PMFBP1: variants seen among roughly 807,000 people sequenced by gnomAD.
The protein encoded by PMFBP1 is polyamine-modulated factor 1-binding protein 1.
In PMFBP1, 131 loss-of-function variants were observed where a neutral mutation model predicts 137.8. The observed-to-expected ratio is 0.95, with a 90% CI of 0.82 to 1.10. The LOEUF (loss-of-function observed/expected upper bound fraction) is 1.10. Ranked by LOEUF, PMFBP1 falls within the 50% of genes least tolerant of loss-of-function variation. The probability of loss-of-function intolerance (pLI) is 0.00; values close to 1 mark genes in which losing one functional copy is unlikely to be tolerated. For synonymous variants in PMFBP1, 490 were observed against 450.4 expected (o/e 1.09, Z -1.11); for missense variants, 1,199 against 1,175.4 (o/e 1.02, Z -0.29).
At chr16:72,185,094 G>A in the PMFBP1 span, among the ~76,000 whole-genome samples, 2 of 151,810 alleles carry the variant, frequency 1.3e-5, no homozygotes, top group Non-Finnish European at 2.9e-5. Flanking sequence ...TGCAATCTTG[G>A]CTCACTGCAA....
upstream of PMFBP1, among the ~76,000 whole-genome samples, chr16:72,179,298 G>A (rs2043268894): frequency 6.6e-6 from 1 of 152,192 alleles, no homozygotes; most frequent in Admixed American, 6.5e-5. Context: ...GGTGCTATGG[G>A]AAACACAAGA....
the PMFBP1 span, among the ~76,000 whole-genome samples, chr16:72,245,757 C>G: frequency 8.5e-5 from 13 of 152,334 alleles, no homozygotes; most frequent in South Asian, 2.5e-3. Flanking sequence ...ACTGCCACTG[C>G]TCTTTAACTC....
chr16:72,125,536 G>T, intron 15 of PMFBP1, 131 bp from the exon 16 acceptor site: 1 of 1,037,592 alleles, frequency 9.6e-7, no homozygotes, highest in African/African-American at 1.6e-5. Flanking sequence ...ACCTTGCCTA[G>T]TCTCCCAGAG....
chr16:72,134,955 C>A (rs2042601695), intron 9 of PMFBP1, among the ~76,000 whole-genome samples: 1 of 152,200 alleles, frequency 6.6e-6, no homozygotes, highest in African/African-American at 2.4e-5. Flanking sequence ...AGGCATGTTG[C>A]AGGTTTTGTG....
At chr16:72,223,627 A>G in the PMFBP1 span, among the ~76,000 whole-genome samples, 61 of 152,362 alleles carry the variant, frequency 4.0e-4, no homozygotes, top group African/African-American at 1.4e-3. Context: ...CCTAGGTAGC[A>G]GGTCACCTGC....
rs142162202 is a variant in PMFBP1 at position 72,154,440 on chromosome 16, G to A, written c.185C>T (p.Ala62Val). The A allele has an allele frequency of 3.1e-6, 5 of 1,614,008 alleles. No individual in the cohort carries two copies. Among genetic ancestry groups the A allele is most frequent in the Non-Finnish European group, 4.2e-6 (5 of 1,179,898 alleles). Reference protein sequence around the residue: ...NSSHDKKQAQALAFEESEVEF... With the variant: ...NSSHDKKQAQVLAFEESEVEF... ...CACCTCTGACTCCTCGAATGCTAAT[G>A]CCTGTGCTTGCTTCTTGTCCTACCA... The change falls in exon 4 of 21, where the codon GCA becomes GTA. Residue 62 changes from alanine to valine, a missense_variant. Ala to Val is a moderately conservative substitution (Grantham distance 64). Transcript: ENST00000237353.
chr16:72,226,640 CA>C, the PMFBP1 span, among the ~76,000 whole-genome samples: 2 of 151,926 alleles, frequency 1.3e-5, no homozygotes, highest in East Asian at 1.9e-4. Flanking sequence ...TCTCTTAGAA[CA>C]AAAAATATTT....
At chr16:72,159,606 G>A (rs1400643506) in intron 3 of PMFBP1, among the ~76,000 whole-genome samples, 1 of 152,148 alleles carries the variant, frequency 6.6e-6, no homozygotes, top group Non-Finnish European at 1.5e-5. Context: ...TGGGTTTAGA[G>A]GAATCAAATT....
At chr16:72,178,626 CTG>C (rs1378278062), upstream of PMFBP1, among the ~76,000 whole-genome samples, 9 of 152,126 alleles carry the variant, frequency 5.9e-5, no homozygotes, top group Non-Finnish European at 1.3e-4. Flanking sequence ...TAATCTAATA[CTG>C]TTATTTATTT....
At chr16:72,178,192 G>A (rs760932450), upstream of PMFBP1, among the ~76,000 whole-genome samples, 5 of 152,136 alleles carry the variant, frequency 3.3e-5, no homozygotes, top group African/African-American at 4.8e-5. Flanking sequence ...TTGAGGCTAT[G>A]CATTTTGGGC....
upstream of PMFBP1, among the ~76,000 whole-genome samples, chr16:72,180,441 G>T (rs1410649823): frequency 6.6e-6 from 1 of 152,118 alleles, no homozygotes; most frequent in Non-Finnish European, 1.5e-5. Flanking sequence ...ACCTCTGGCA[G>T]AAGCCGTGTT....
intron 5 of PMFBP1, 54 bp downstream of exon 5, chr16:72,150,554 C>A (rs2042885307): frequency 6.4e-7 from 1 of 1,561,416 alleles, no homozygotes; most frequent in South Asian, 1.1e-5. Context: ...TCTGAGGGGA[C>A]CACCTGGGAG....
rs2042589974 is a variant in PMFBP1 at position 72,134,150 on chromosome 16, G to T, written c.1204-1159C>A. ...GTATATTTTCCCTCCTTTCATTACT[G>T]CTCTAAGGCTTTTAAAAAATGTTCA... On this transcript the variant is annotated intron_variant, in intron 9 of 20. Transcript: ENST00000237353. 3.3e-5 allele frequency among the ~76,000 whole-genome samples: 5 copies of T among 151,960 alleles called. No homozygotes were observed. In the South Asian group the frequency reaches 1.0e-3, roughly 32 times the overall value.
chr16:72,121,756 C>G (rs989251574), intron 19 of PMFBP1, among the ~76,000 whole-genome samples: 6 of 152,128 alleles, frequency 3.9e-5, no homozygotes, highest in Admixed American at 1.3e-4. Flanking sequence ...TCCCAATTAG[C>G]TGGGACTGTA....
the PMFBP1 span, among the ~76,000 whole-genome samples, chr16:72,211,040 T>C: frequency 6.6e-6 from 1 of 152,190 alleles, no homozygotes; most frequent in Admixed American, 6.5e-5. Flanking sequence ...TTTATCACCT[T>C]AGAGGACAGA....
chr16:72,140,446 T>C lies in PMFBP1; in HGVS notation c.773A>G (p.Glu258Gly). 6 of 1,614,126 alleles carry C rather than the reference T, an allele frequency of 3.7e-6. No homozygotes were observed. The highest frequency in any genetic ancestry group is 4.2e-6 in the Non-Finnish European group (5 of 1,179,950). The change falls in exon 6 of 21, where the codon GAA (glutamate) becomes GGA (glycine). Residue 258 changes from glutamate (E) to glycine (G), a missense_variant. Glu to Gly is a moderately conservative substitution (Grantham distance 98). Coordinates refer to ENST00000237353, the MANE Select transcript of PMFBP1 (RefSeq NM_031293.3). ...KVSQQDDLIQELRNKLACSNA... is the reference protein window; with the variant it reads ...KVSQQDDLIQGLRNKLACSNA... ...ACTGCAGGCCAGCTTATTTCGAAGT[T>C]CTTGAATGAGATCATCCTGTTGAGA...
At chr16:72,172,951 A>C (rs1031776055), upstream of PMFBP1, among the ~76,000 whole-genome samples, 1 of 152,216 alleles carries the variant, frequency 6.6e-6, no homozygotes, top group Non-Finnish European at 1.5e-5. Flanking sequence ...CAGTAAAGTG[A>C]AGAGCAGTAA....
chr16:72,143,636 G>A (rs1463024907), intron 5 of PMFBP1, among the ~76,000 whole-genome samples: 2 of 152,108 alleles, frequency 1.3e-5, no homozygotes, highest in African/African-American at 4.8e-5. Context: ...CCAGCTACTT[G>A]GAAGGCTGAG....
the PMFBP1 span, among the ~76,000 whole-genome samples, chr16:72,197,953 TA>T: frequency 6.6e-6 from 1 of 152,304 alleles, no homozygotes; most frequent in African/African-American, 2.4e-5. Context: ...ATTTTTTGTT[TA>T]GTGGCAACAG....
Sources: gnomAD v4.1 joint callset for allele counts (sites outside exome capture counted in the v4.1 genomes callset) on GRCh38, gnomAD v4.1.1 for gene constraint, MANE v1.5 for transcripts, NCBI Gene and HGNC (gene_info 2026-07-23, HGNC 2026-07-21) for gene names.